TSNARE1: variants seen among roughly 807,000 people sequenced by gnomAD.
TSNARE1 encodes t-SNARE domain-containing protein 1.
Under a neutral mutation model 62.0 loss-of-function variants are expected in TSNARE1, and 49 were observed. The ratio of observed to expected loss-of-function variants is 0.79; its 90% CI spans 0.63 to 1.00. The LOEUF is 1.00. TSNARE1 is among the 50% of genes least tolerant of loss of function. TSNARE1 has a pLI of 0.00. For missense variants in TSNARE1, 755 were observed against 700.1 expected (o/e 1.08, Z -0.88); for synonymous variants, 328 against 294.4 (o/e 1.11, Z -1.17).
At chr8:142,393,786 T>C (rs1478108949) in intron 1 of TSNARE1, among the ~76,000 whole-genome samples, 2 of 152,140 alleles carry the variant, frequency 1.3e-5, no homozygotes, top group African/African-American at 4.8e-5. Context: ...GCAGCAAAGG[T>C]GGCCGGTTCA....
chr8:142,319,243 C>T lies in TSNARE1; in HGVS notation c.894-609G>A, dbSNP rs979361051. Reference sequence around the variant, plus strand: ...AAGGCCCGTCTCGGGGTCAGCTCCCCTCGGAAAGCCAGCAGGAGAATCAGG... The same window carrying T: ...AAGGCCCGTCTCGGGGTCAGCTCCCTTCGGAAAGCCAGCAGGAGAATCAGG... On this transcript the variant is annotated intron_variant, in intron 6 of 13. Coordinates refer to ENST00000524325, the MANE Select transcript of TSNARE1 (RefSeq NM_145003.5). The surrounding 1 kb of genome is among the most constrained non-coding windows in gnomAD (Gnocchi z 4.9). 2.6e-5 allele frequency among the ~76,000 whole-genome samples: 4 copies of T among 152,086 alleles called. No individual in the cohort carries two copies. The highest frequency in any genetic ancestry group is 3.2e-3 in the Middle Eastern group (1 of 316).
chr8:142,233,792 T>C (rs1421326888), intron 12 of TSNARE1, among the ~76,000 whole-genome samples: 1 of 152,140 alleles, frequency 6.6e-6, no homozygotes, highest in African/African-American at 2.4e-5. Context: ...CATCACCATC[T>C]TCAGCCCCAC....
chr8:142,299,163 C>T (rs1408486816), intron 10 of TSNARE1, among the ~76,000 whole-genome samples: 1 of 152,222 alleles, frequency 6.6e-6, no homozygotes, highest in Non-Finnish European at 1.5e-5. Context: ...GGCGCTCCTC[C>T]ACCAGGTCAA....
At chr8:142,314,823 C>T (rs974958215) in intron 8 of TSNARE1, among the ~76,000 whole-genome samples, 180 bp downstream of exon 8, 4 of 152,232 alleles carry the variant, frequency 2.6e-5, no homozygotes, top group African/African-American at 9.7e-5. Flanking sequence ...GACACATGCC[C>T]TGAGGCACAG....
chr8:142,275,948 G>A, intron 11 of TSNARE1: 1 of 985,394 alleles, frequency 1.0e-6, no homozygotes, highest in Non-Finnish European at 1.2e-6. Context: ...GGGAACTGTG[G>A]CCCCATCTCT....
At position 142,256,026 on chromosome 8, in the gene TSNARE1, C is replaced by T. The variant is rs1261759608; in HGVS notation, c.1446+18755G>A. ...CCACCACCATCACCATCACCACCAC[C>T]ACTGTCACCGTCACCACCACCGTCA... On this transcript the variant is annotated intron_variant, in intron 12 of 13. Transcript: ENST00000524325. Among the ~76,000 whole-genome samples, 2 of 91,904 alleles carry T rather than the reference C, an allele frequency of 2.2e-5. 1 individual carries two copies. Among genetic ancestry groups the T allele is most frequent in the African/African-American group, 7.5e-5 (2 of 26,606 alleles). The allele number at this position is 91,904 out of a possible 152,430, so 60.3% of individuals were successfully genotyped here. A position where few individuals can be genotyped will look rare whatever the true frequency, so the allele number is the denominator to read the frequency against.
chr8:142,395,136 G>C (rs1837810225), intron 1 of TSNARE1, among the ~76,000 whole-genome samples: 1 of 152,104 alleles, frequency 6.6e-6, no homozygotes, highest in Non-Finnish European at 1.5e-5. Context: ...GTGAGGCTCA[G>C]CTCCTCCCAT....
chr8:142,226,378 C>T (rs1177781921), intron 13 of TSNARE1, among the ~76,000 whole-genome samples: 3 of 152,198 alleles, frequency 2.0e-5, no homozygotes, highest in Admixed American at 6.5e-5. Flanking sequence ...GTCCTCTCTG[C>T]AGCCCGGCTC....
chr8:142,272,914 A>G, intron 12 of TSNARE1: 10 of 985,180 alleles, frequency 1.0e-5, no homozygotes, highest in Non-Finnish European at 1.2e-5. Context: ...GGCAGGTGGG[A>G]GCAGGACATT....
At chr8:142,341,501 T>G (rs892050507) in intron 4 of TSNARE1, among the ~76,000 whole-genome samples, 6 of 152,152 alleles carry the variant, frequency 3.9e-5, no homozygotes, top group South Asian at 4.1e-4. Flanking sequence ...CCCCGGGGCC[T>G]GACCCCAGCC....
intron 3 of TSNARE1, among the ~76,000 whole-genome samples, chr8:142,344,826 C>T (rs773748125): frequency 6.6e-6 from 1 of 152,228 alleles, no homozygotes; most frequent in Non-Finnish European, 1.5e-5. Context: ...TGCCCTCAGG[C>T]CAGGGCTGGG....
intron 12 of TSNARE1, among the ~76,000 whole-genome samples, chr8:142,256,289 T>C (rs373007007): frequency 2.5e-4 from 17 of 67,750 alleles, no homozygotes; most frequent in Admixed American, 2.9e-4. Context: ...ATTACCATCA[T>C]CACCACACCC....
intron 12 of TSNARE1, chr8:142,270,617 C>T: frequency 1.0e-6 from 1 of 985,282 alleles, no homozygotes; most frequent in East Asian, 1.1e-4. Context: ...GTGTGCATGC[C>T]CACCAAAGGG....
intron 10 of TSNARE1, among the ~76,000 whole-genome samples, chr8:142,286,995 G>A (rs1386543503): frequency 1.3e-5 from 2 of 152,220 alleles, no homozygotes; most frequent in East Asian, 3.9e-4. Context: ...CACTGAGAGG[G>A]TTAGTGACTG....
intron 9 of TSNARE1, among the ~76,000 whole-genome samples, chr8:142,312,345 T>C (rs1827733397): frequency 6.6e-6 from 1 of 152,222 alleles, no homozygotes; most frequent in South Asian, 2.1e-4. Flanking sequence ...CTGTTACCTA[T>C]GATGCCTGAT....
chr8:142,294,641 T>C (rs1021086931), intron 10 of TSNARE1, among the ~76,000 whole-genome samples: 34 of 152,088 alleles, frequency 2.2e-4, no homozygotes, highest in African/African-American at 3.4e-4. Context: ...CAAGAGGAGA[T>C]GGGGCCGGTC....
rs765980479 is a variant in TSNARE1 at position 142,314,371 on chromosome 8, A to C, written c.1131+13T>G. 4 of 1,612,440 alleles carry C rather than the reference A, an allele frequency of 2.5e-6. No homozygotes were observed. Among genetic ancestry groups the C allele is most frequent in the Non-Finnish European group, 3.4e-6 (4 of 1,178,910 alleles). ...CTAACAGCCACTGACCATGGTCAGT[A>C]CTCGGCACCCACCTGTTTACTGCCC... is the stretch of plus-strand genomic sequence containing the variant. On this transcript the variant is annotated intron_variant, in intron 9 of 13. Coordinates refer to ENST00000524325, the MANE Select transcript of TSNARE1 (RefSeq NM_145003.5).
chr8:142,214,097 G>A (rs1815710860), intron 13 of TSNARE1, among the ~76,000 whole-genome samples: 1 of 152,226 alleles, frequency 6.6e-6, no homozygotes, highest in Non-Finnish European at 1.5e-5. Flanking sequence ...GCCAGGGTCT[G>A]AGGGCCTCAG....
At chr8:142,308,440 C>T (rs1054898743) in intron 9 of TSNARE1, among the ~76,000 whole-genome samples, 2 of 152,120 alleles carry the variant, frequency 1.3e-5, no homozygotes, top group East Asian at 1.9e-4. Flanking sequence ...CCGAGTGATC[C>T]GTATCAAGCT....
Sources: gnomAD v4.1 joint callset for allele counts (sites outside exome capture counted in the v4.1 genomes callset) on GRCh38, gnomAD v4.1.1 for gene constraint, Gnocchi (gnomAD v3.1) non-coding constraint, MANE v1.5 for transcripts, NCBI Gene and HGNC (gene_info 2026-07-23, HGNC 2026-07-21) for gene names.